Variants in CEP63 observed in about 807,000 individuals in gnomAD.
CEP63 encodes the protein centrosomal protein of 63 kDa.
A neutral mutation model predicts 89.1 loss-of-function variants in CEP63; 84 were observed. That is an observed-to-expected ratio of 0.94 (90% CI 0.79 to 1.13). The LOEUF (loss-of-function observed/expected upper bound fraction) is 1.13. Ranked by LOEUF, CEP63 falls within the 50% of genes most tolerant of loss-of-function variation. The pLI is 0.00. For missense variants in CEP63, 838 were observed against 813.3 expected, an observed-to-expected ratio of 1.03 and a Z score of -0.37; for synonymous variants, 267 against 272.5, an observed-to-expected ratio of 0.98 and a Z score of 0.20.
chr3:134,514,715 T>C (rs1393510153), intron 3 of CEP63, among the ~76,000 whole-genome samples: 2 of 152,110 alleles, frequency 1.3e-5, no homozygotes, highest in African/African-American at 2.4e-5. Flanking sequence ...ATAAAGACAT[T>C]TTCAGATGAA....
At chr3:134,527,243 A>C (rs1213317664) in intron 3 of CEP63, among the ~76,000 whole-genome samples, 3 of 152,172 alleles carry the variant, frequency 2.0e-5, no homozygotes, top group Non-Finnish European at 4.4e-5. Flanking sequence ...CCTGCTGGCG[A>C]CTGTGCACAG....
downstream of CEP63, among the ~76,000 whole-genome samples, chr3:134,579,862 A>G (rs549231154): frequency 7.9e-5 from 12 of 152,358 alleles, no homozygotes; most frequent in African/African-American, 2.6e-4. Context: ...AGCAATACAA[A>G]GGAATGAAGT....
chr3:134,768,232 C>T, the CEP63 span, among the ~76,000 whole-genome samples: 6 of 152,114 alleles, frequency 3.9e-5, no homozygotes, highest in African/African-American at 1.2e-4. Flanking sequence ...ACAGATTCCT[C>T]GAGTGGCTGT....
the CEP63 span, among the ~76,000 whole-genome samples, chr3:134,757,891 G>A: frequency 2.6e-5 from 4 of 152,116 alleles, no homozygotes; most frequent in African/African-American, 9.7e-5. Flanking sequence ...AGGGGAATTT[G>A]GGGGGAATGG....
At chr3:134,504,878 G>T (rs905882323) in intron 2 of CEP63, among the ~76,000 whole-genome samples, 1 of 151,986 alleles carries the variant, frequency 6.6e-6, no homozygotes, top group East Asian at 1.9e-4. Context: ...AGAAATTCTC[G>T]TACTTGTTTT....
the CEP63 span, among the ~76,000 whole-genome samples, chr3:134,688,103 T>C: frequency 2.6e-5 from 4 of 152,204 alleles, no homozygotes; most frequent in Admixed American, 6.5e-5. Flanking sequence ...TTACATAAAA[T>C]CTTGTATGAG....
chr3:134,619,088 C>T, the CEP63 span: 10 of 1,381,088 alleles, frequency 7.2e-6, no homozygotes, highest in East Asian at 1.1e-4. Context: ...GCACATGGCA[C>T]TGTGGAAGAG....
Position 134,550,660 on chromosome 3 carries a change from G to C in CEP63, c.1380+400G>C, listed in dbSNP as rs535746780. 3.3e-5 allele frequency among the ~76,000 whole-genome samples: 5 copies of C among 152,304 alleles called. No individual in the cohort carries two copies. The East Asian group carries it at 9.7e-4, about 29-fold the overall frequency. On this transcript the variant is annotated intron_variant, in intron 11 of 14. Coordinates refer to ENST00000675561, the MANE Select transcript of CEP63 (RefSeq NM_001353108.3). ...AACACGCTTGCTGTGGTTGAAACTA[G>C]AGTACAAGTGGGATGAGTGGAAGGT...
At chr3:134,538,867 T>C (rs981440632) in intron 6 of CEP63, among the ~76,000 whole-genome samples, 3 of 152,102 alleles carry the variant, frequency 2.0e-5, no homozygotes, top group African/African-American at 7.2e-5. Context: ...CATATTACTG[T>C]TGTGATTATT....
chr3:134,500,396 G>A (rs1228039148), intron 2 of CEP63, among the ~76,000 whole-genome samples: 1 of 152,054 alleles, frequency 6.6e-6, no homozygotes, highest in African/African-American at 2.4e-5. Context: ...GTGTTGCGAT[G>A]AACATGTGAG....
At chr3:134,538,283 A>C (rs1403992976) in intron 6 of CEP63, among the ~76,000 whole-genome samples, 2 of 149,372 alleles carry the variant, frequency 1.3e-5, no homozygotes, top group African/African-American at 4.9e-5. Context: ...TAATGCATTA[A>C]CTTTTTGTTC....
the CEP63 span, among the ~76,000 whole-genome samples, chr3:134,711,503 A>G: frequency 2.0e-5 from 3 of 152,054 alleles, no homozygotes; most frequent in Non-Finnish European, 2.9e-5. Context: ...GATTTATTCC[A>G]CTTTCTTAGG....
chr3:134,550,313 G>A, intron 11 of CEP63, 53 bp downstream of exon 11: 1 of 1,478,830 alleles, frequency 6.8e-7, no homozygotes, highest in Non-Finnish European at 9.3e-7. Flanking sequence ...TAAAGATGGA[G>A]TTGATTAAAG....
the CEP63 span, among the ~76,000 whole-genome samples, chr3:134,646,860 C>G: frequency 3.9e-5 from 6 of 152,040 alleles, no homozygotes. Flanking sequence ...GCTAATGAAC[C>G]CTAAAGGGAA....
chr3:134,729,453 A>G, the CEP63 span, among the ~76,000 whole-genome samples: 3 of 152,218 alleles, frequency 2.0e-5, no homozygotes, highest in African/African-American at 7.2e-5. Flanking sequence ...CCTGCATAGC[A>G]TTCCACTGCA....
At chr3:134,672,034 G>A in the CEP63 span, among the ~76,000 whole-genome samples, 10 of 152,190 alleles carry the variant, frequency 6.6e-5, no homozygotes, top group African/African-American at 1.9e-4. Context: ...CTCAACAAGT[G>A]TGTAGGGTGG....
At chr3:134,651,051 G>C in the CEP63 span, 65 of 1,567,786 alleles carry the variant, frequency 4.1e-5, 2 homozygotes, top group South Asian at 5.9e-4. Context: ...GCCCCACACG[G>C]GAGAGGGCGA....
chr3:134,782,289 A>T, the CEP63 span, among the ~76,000 whole-genome samples: 4 of 152,212 alleles, frequency 2.6e-5, no homozygotes, highest in Admixed American at 2.6e-4. Context: ...ACCCACTAAC[A>T]AAACCGTTTA....
At chr3:134,618,848 T>C in the CEP63 span, among the ~76,000 whole-genome samples, 3 of 152,200 alleles carry the variant, frequency 2.0e-5, no homozygotes, top group Non-Finnish European at 4.4e-5. Context: ...CTGCCATTCT[T>C]TTAACCTTCA....
Sources: gnomAD v4.1 joint callset for allele counts (sites outside exome capture counted in the v4.1 genomes callset) on GRCh38, gnomAD v4.1.1 for gene constraint, MANE v1.5 for transcripts, NCBI Gene and HGNC (gene_info 2026-07-23, HGNC 2026-07-21) for gene names.